SNTB1: variants seen among roughly 807,000 people sequenced by gnomAD.
The protein encoded by SNTB1 is syntrophin beta 1, also known as beta-1-syntrophin.
SNTB1 carries 36 observed loss-of-function variants against 48.9 expected under a neutral mutation model. The ratio of observed to expected loss-of-function variants is 0.74; its 90% confidence interval spans 0.56 to 0.97. SNTB1 has a LOEUF of 0.97. SNTB1 is among the 50% of genes least tolerant of loss of function. The pLI is 0.00. For synonymous variants in SNTB1, 299 were observed against 294.6 expected, an observed-to-expected ratio of 1.01 and a Z score of -0.15; for missense variants, 786 against 703.4, an observed-to-expected ratio of 1.12 and a Z score of -1.33.
chr8:120,596,548 C>T (rs1030633654), intron 3 of SNTB1, among the ~76,000 whole-genome samples: 3 of 103,060 alleles, frequency 2.9e-5, no homozygotes, highest in African/African-American at 1.3e-4. Flanking sequence ...GTCTGGAGGC[C>T]CTAGAGGAGA....
intron 3 of SNTB1, among the ~76,000 whole-genome samples, chr8:120,611,209 C>A (rs1481006973): frequency 1.3e-5 from 2 of 152,178 alleles, no homozygotes; most frequent in Non-Finnish European, 2.9e-5. Context: ...CTTATCCACC[C>A]TTAAGCTTTG....
intron 2 of SNTB1, among the ~76,000 whole-genome samples, chr8:120,639,790 T>C (rs955790012): frequency 8.5e-5 from 13 of 152,344 alleles, no homozygotes; most frequent in Admixed American, 5.2e-4. Flanking sequence ...AGCCTTGTAG[T>C]ACAGTTTGAA....
intron 1 of SNTB1, among the ~76,000 whole-genome samples, chr8:120,790,437 A>G (rs1820008837): frequency 6.6e-6 from 1 of 151,998 alleles, no homozygotes; most frequent in South Asian, 2.1e-4. Context: ...GGAAAAGAGG[A>G]AGTCAAATTT....
intron 2 of SNTB1, among the ~76,000 whole-genome samples, chr8:120,665,759 A>T (rs952334576): frequency 6.6e-6 from 1 of 152,204 alleles, no homozygotes; most frequent in Non-Finnish European, 1.5e-5. Flanking sequence ...TAATATAAAG[A>T]TTGAAGTACT....
At chr8:120,795,709 A>G (rs1820110069) in intron 1 of SNTB1, among the ~76,000 whole-genome samples, 1 of 152,016 alleles carries the variant, frequency 6.6e-6, no homozygotes, top group Non-Finnish European at 1.5e-5. Context: ...TCTGAAGGCT[A>G]AAAGTTCAAG....
At chr8:120,795,079 A>G (rs1167170704) in intron 1 of SNTB1, among the ~76,000 whole-genome samples, 1 of 152,090 alleles carries the variant, frequency 6.6e-6, no homozygotes, top group Non-Finnish European at 1.5e-5. Context: ...ATTTTTCATC[A>G]TAAGTATGTC....
chr8:120,806,527 G>A (rs1820340022), intron 1 of SNTB1, among the ~76,000 whole-genome samples: 1 of 152,064 alleles, frequency 6.6e-6, no homozygotes, highest in Non-Finnish European at 1.5e-5. Flanking sequence ...GCGTTCTATT[G>A]ATGTTTAAAC....
chr8:120,545,005 G>C (rs185297918), intron 5 of SNTB1, among the ~76,000 whole-genome samples: 321 of 152,188 alleles, frequency 2.1e-3, no homozygotes, highest in African/African-American at 7.3e-3. Context: ...GAGGAAATTT[G>C]GAAAAACCCT....
chr8:120,652,677 T>C (rs982938888), intron 2 of SNTB1, among the ~76,000 whole-genome samples: 24 of 152,156 alleles, frequency 1.6e-4, no homozygotes, highest in African/African-American at 5.8e-4. Flanking sequence ...GTGGTAATGA[T>C]CAAAGTGGTG....
chr8:120,617,828 A>C (rs1008134232), intron 3 of SNTB1, among the ~76,000 whole-genome samples: 2 of 152,222 alleles, frequency 1.3e-5, no homozygotes, highest in African/African-American at 4.8e-5. Flanking sequence ...ATTTGGACTA[A>C]GGGGGATGCC....
chr8:120,623,396 G>C (rs566712257), intron 3 of SNTB1, among the ~76,000 whole-genome samples: 1 of 152,300 alleles, frequency 6.6e-6, no homozygotes, highest in South Asian at 2.1e-4. Flanking sequence ...ACTGCACCTA[G>C]TCCTCAACCT....
At chr8:120,786,591 G>T (rs552204820) in intron 1 of SNTB1, among the ~76,000 whole-genome samples, 1 of 152,174 alleles carries the variant, frequency 6.6e-6, no homozygotes, top group East Asian at 1.9e-4. Flanking sequence ...AGGCTTGCAT[G>T]AGAGGTAGAG....
At chr8:120,598,269 T>C (rs1816358675) in intron 3 of SNTB1, among the ~76,000 whole-genome samples, 1 of 152,210 alleles carries the variant, frequency 6.6e-6, no homozygotes, top group South Asian at 2.1e-4. Context: ...TGGTCATTTC[T>C]TCATTGGGTC....
intron 2 of SNTB1, among the ~76,000 whole-genome samples, chr8:120,683,161 G>A (rs1434074363): frequency 2.0e-5 from 3 of 152,218 alleles, no homozygotes; most frequent in Admixed American, 6.5e-5. Context: ...GATTACAGGC[G>A]TGAGCCACCG....
Position 120,652,425 on chromosome 8 carries a change from T to G in SNTB1, c.789-19774A>C, listed in dbSNP as rs528868791. Among the ~76,000 whole-genome samples the G allele has an allele frequency of 2.0e-5, 3 of 152,228 alleles. No homozygotes were observed. In the South Asian group the frequency reaches 6.2e-4, roughly 32 times the overall value. Reference sequence around the variant, plus strand: ...TTCCAGGAATAATTGTTAAGGAGACTTTTTCCCCCTCATTGTAAATACTGG... The same window carrying G: ...TTCCAGGAATAATTGTTAAGGAGACGTTTTCCCCCTCATTGTAAATACTGG... On this transcript the variant is annotated intron_variant, in intron 2 of 6. Transcript: ENST00000517992.
At chr8:120,699,990 T>C (rs1417203843) in intron 1 of SNTB1, among the ~76,000 whole-genome samples, 1 of 152,180 alleles carries the variant, frequency 6.6e-6, no homozygotes, top group African/African-American at 2.4e-5. Context: ...ACTAACTCAT[T>C]TGAACCTCAC....
intron 5 of SNTB1, among the ~76,000 whole-genome samples, chr8:120,543,959 AT>A (rs5894527): frequency 6.9e-4 from 100 of 144,614 alleles, no homozygotes; most frequent in South Asian, 8.8e-4. Flanking sequence ...TGACCCCTCC[AT>A]TTTTTTTTTT....
intron 1 of SNTB1, among the ~76,000 whole-genome samples, chr8:120,707,413 A>T (rs1221754361): frequency 6.6e-6 from 1 of 152,192 alleles, no homozygotes; most frequent in African/African-American, 2.4e-5. Flanking sequence ...TCAGGAGAGT[A>T]ATTCCTAAGA....
chr8:120,719,039 A>G (rs1018209770), intron 1 of SNTB1, among the ~76,000 whole-genome samples: 1 of 152,218 alleles, frequency 6.6e-6, no homozygotes, highest in Non-Finnish European at 1.5e-5. Context: ...GTCCAACAGC[A>G]GAGGGACTGA....
Sources: gnomAD v4.1 joint callset for allele counts (sites outside exome capture counted in the v4.1 genomes callset) on GRCh38, gnomAD v4.1.1 for gene constraint, MANE v1.5 for transcripts, NCBI Gene and HGNC (gene_info 2026-07-23, HGNC 2026-07-21) for gene names.